ANKS1B: variants seen among roughly 807,000 people sequenced by gnomAD.
ANKS1B encodes ankyrin repeat and sterile alpha motif domain containing 1B.
A neutral mutation model predicts 148.3 loss-of-function variants in ANKS1B; 36 were observed. The observed-to-expected ratio is 0.24, with a 90% CI of 0.19 to 0.32. ANKS1B has a LOEUF of 0.32. Ranked by LOEUF, ANKS1B falls within the 10% of genes least tolerant of loss-of-function variation. The pLI, the probability that ANKS1B is intolerant of heterozygous loss-of-function variation, is 1.00. For missense variants in ANKS1B, 1,157 were observed against 1,542.6 expected, an observed-to-expected ratio of 0.75 and a Z score of 4.19; for synonymous variants, 542 against 560.8, an observed-to-expected ratio of 0.97 and a Z score of 0.47.
intron 1 of ANKS1B, among the ~76,000 whole-genome samples, chr12:99,888,801 T>C (rs2092952975): frequency 6.6e-6 from 1 of 152,172 alleles, no homozygotes; most frequent in African/African-American, 2.4e-5. Context: ...TTGGACAGGC[T>C]TGAAGTCCAG....
chr12:99,769,998 C>T (rs2063038928), intron 8 of ANKS1B, among the ~76,000 whole-genome samples: 1 of 152,198 alleles, frequency 6.6e-6, no homozygotes, highest in Non-Finnish European at 1.5e-5. Flanking sequence ...ACAAAGACTT[C>T]AATGAGTATC....
intron 8 of ANKS1B, among the ~76,000 whole-genome samples, chr12:99,723,963 C>CA (rs59455535): frequency 0.43 from 65,670 of 150,990 alleles, 14,608 homozygotes; most frequent in South Asian, 0.61. Flanking sequence ...ACAGCATCAG[C>CA]AAAAAGTGTC....
chr12:99,466,659 A>G (rs565724061), intron 10 of ANKS1B, among the ~76,000 whole-genome samples: 1 of 151,578 alleles, frequency 6.6e-6, no homozygotes, highest in Non-Finnish European at 1.5e-5. Context: ...TACTACAAAC[A>G]CCTCTATGCA....
intron 14 of ANKS1B, among the ~76,000 whole-genome samples, chr12:99,159,891 T>C (rs542824118): frequency 1.3e-5 from 2 of 152,294 alleles, no homozygotes; most frequent in African/African-American, 4.8e-5. Flanking sequence ...CCAGCAGCTA[T>C]TATTATGCCT....
At chr12:99,185,295 A>C (rs2079671420) in intron 14 of ANKS1B, among the ~76,000 whole-genome samples, 1 of 152,254 alleles carries the variant, frequency 6.6e-6, no homozygotes, top group Admixed American at 6.5e-5. Flanking sequence ...CCTCAAAGGA[A>C]TAAAATAAAC....
At chr12:99,382,856 A>G (rs2093699857) in intron 12 of ANKS1B, among the ~76,000 whole-genome samples, 1 of 152,120 alleles carries the variant, frequency 6.6e-6, no homozygotes, top group South Asian at 2.1e-4. Flanking sequence ...CCATCATGGA[A>G]TCACTACAGT....
chr12:99,788,426 TG>T (rs2065235064), intron 4 of ANKS1B, among the ~76,000 whole-genome samples: 1 of 152,128 alleles, frequency 6.6e-6, no homozygotes, highest in African/African-American at 2.4e-5. Context: ...ATTCATCACC[TG>T]CTGACTAAAG....
intron 10 of ANKS1B, among the ~76,000 whole-genome samples, chr12:99,457,992 G>C (rs890521568): frequency 6.6e-6 from 1 of 152,042 alleles, no homozygotes; most frequent in East Asian, 1.9e-4. Context: ...CATCAGCACA[G>C]GGGACATTCT....
intron 12 of ANKS1B, among the ~76,000 whole-genome samples, chr12:99,326,998 A>C (rs2086433795): frequency 7.2e-6 from 1 of 139,634 alleles, no homozygotes. Flanking sequence ...ATAATATATA[A>C]TACATAATTT....
chr12:99,938,754 T>C (rs1360239844), intron 1 of ANKS1B, among the ~76,000 whole-genome samples: 1 of 151,984 alleles, frequency 6.6e-6, no homozygotes, highest in African/African-American at 2.4e-5. Flanking sequence ...AATTAACAGA[T>C]CAAAAACTAA....
chr12:99,296,916 A>T (rs1326386394), intron 12 of ANKS1B, among the ~76,000 whole-genome samples: 1 of 152,194 alleles, frequency 6.6e-6, no homozygotes, highest in African/African-American at 2.4e-5. Flanking sequence ...TGGGAACTTG[A>T]CTGTGACTTA....
chr12:98,856,627 A>G (rs191945840), intron 17 of ANKS1B, among the ~76,000 whole-genome samples: 71 of 152,164 alleles, frequency 4.7e-4, no homozygotes, highest in African/African-American at 1.7e-3. Flanking sequence ...GATGGTGAGG[A>G]GAGTGGTCAG....
intron 17 of ANKS1B, among the ~76,000 whole-genome samples, chr12:98,962,384 A>G (rs1042209834): frequency 1.3e-5 from 2 of 148,620 alleles, no homozygotes; most frequent in African/African-American, 5.0e-5. Context: ...AGAGGATATA[A>G]CAATTATATA....
At chr12:98,787,602 G>GT (rs777947937) in intron 22 of ANKS1B, among the ~76,000 whole-genome samples, 1 of 152,064 alleles carries the variant, frequency 6.6e-6, no homozygotes, top group Non-Finnish European at 1.5e-5. Flanking sequence ...TTAATGTATC[G>GT]TAACAAGCAC....
intron 1 of ANKS1B, among the ~76,000 whole-genome samples, chr12:99,979,428 G>A (rs961931434): frequency 1.3e-5 from 2 of 152,106 alleles, no homozygotes; most frequent in Non-Finnish European, 2.9e-5. Flanking sequence ...ACAATGCCAA[G>A]AATCTAATTC....
chr12:98,741,005 G>A (rs2153352491), downstream of ANKS1B, among the ~76,000 whole-genome samples: 1 of 152,240 alleles, frequency 6.6e-6, no homozygotes, highest in East Asian at 1.9e-4. Flanking sequence ...AATATAGAAG[G>A]ATCTTGAGAT....
intron 12 of ANKS1B, among the ~76,000 whole-genome samples, chr12:99,340,414 T>A (rs2089704653): frequency 6.6e-6 from 1 of 152,158 alleles, no homozygotes; most frequent in African/African-American, 2.4e-5. Context: ...AATACAGTCA[T>A]GTATCACCTA....
intron 12 of ANKS1B, among the ~76,000 whole-genome samples, chr12:99,256,935 T>C (rs2075323632): frequency 1.3e-5 from 2 of 152,180 alleles, no homozygotes; most frequent in East Asian, 1.9e-4. Flanking sequence ...TGTCCTCTCC[T>C]ACATTTTTTA....
At chr12:99,596,351 T>C (rs963990566) in intron 9 of ANKS1B, among the ~76,000 whole-genome samples, 5 of 151,824 alleles carry the variant, frequency 3.3e-5, no homozygotes, top group African/African-American at 4.8e-5. Context: ...TCTGCCTATA[T>C]ACTCATATAA....
Sources: allele counts gnomAD v4.1 joint callset (sites outside exome capture counted in the v4.1 genomes callset), GRCh38; gene constraint gnomAD v4.1.1; transcripts MANE v1.5; gene names NCBI Gene and HGNC (gene_info 2026-07-23, HGNC 2026-07-21).